The following CPA5 variants were observed in gnomAD, a reference collection of about 807,000 sequenced individuals.
The protein encoded by CPA5 is carboxypeptidase A5, also known as testicular tissue protein Li 32.
CPA5 carries 38 observed loss-of-function variants against 52.2 expected under a neutral mutation model. That is an observed-to-expected ratio of 0.73 (90% CI 0.56 to 0.95). The LOEUF (loss-of-function observed/expected upper bound fraction) is 0.95. CPA5 is among the 40% of genes least tolerant of loss of function. CPA5 has a pLI of 0.00. For missense variants in CPA5, 519 were observed against 566.7 expected (o/e 0.92, Z 0.86); for synonymous variants, 198 against 213.7 (o/e 0.93, Z 0.64).
intron 5 of CPA5, among the ~76,000 whole-genome samples, chr7:130,352,423 G>A (rs1168510824): frequency 6.6e-6 from 1 of 152,068 alleles, no homozygotes; most frequent in Admixed American, 6.5e-5. Context: ...GAGTGAGGGC[G>A]GTTGCTATGG....
chr7:130,346,667 G>A, intron 3 of CPA5, 66 bp downstream of exon 3: 1 of 1,376,346 alleles, frequency 7.3e-7, no homozygotes, highest in Non-Finnish European at 1.0e-6. Context: ...GTCCCAGCAG[G>A]AGGTGGCTGC....
At chr7:130,353,699 AG>A (rs1554404572) in intron 5 of CPA5, among the ~76,000 whole-genome samples, 2 of 152,098 alleles carry the variant, frequency 1.3e-5, no homozygotes, top group Admixed American at 6.5e-5. Context: ...ACCACCCCCG[AG>A]GGCCCATGCG....
chr7:130,362,254 T>C (rs1795830032), intron 7 of CPA5, among the ~76,000 whole-genome samples, 184 bp from the exon 8 acceptor site: 2 of 152,154 alleles, frequency 1.3e-5, no homozygotes, highest in South Asian at 4.2e-4. Flanking sequence ...CACCATATTT[T>C]CAAAGGCCCT....
chr7:130,350,056 G>T lies in CPA5; in HGVS notation c.280G>T (p.Ala94Ser). 1.9e-6 allele frequency: 3 copies of T among 1,614,082 alleles called. No individual in the cohort carries two copies. Among genetic ancestry groups the T allele is most frequent in the Non-Finnish European group, 2.5e-6 (3 of 1,179,976 alleles). The stretch of plus-strand genomic sequence containing the variant: ...TTTCTCTGAACTGAAAGACATCAAA[G>T]CTTATCTGGAGTCTCATGGACTTGC... ...VPFSELKDIKAYLESHGLAYS... is the reference protein window; with the variant it reads ...VPFSELKDIKSYLESHGLAYS... Residue 94 changes from alanine to serine, a missense_variant, in exon 5 of 13, where the codon GCT becomes TCT. Physicochemically the swap from Ala to Ser is moderately conservative, Grantham distance 99. Transcript: ENST00000474905.
downstream of CPA5, among the ~76,000 whole-genome samples, chr7:130,370,318 G>A (rs1271499326): frequency 1.4e-5 from 2 of 148,042 alleles, no homozygotes; most frequent in Non-Finnish European, 3.0e-5. Context: ...TTTGGCTGAA[G>A]TTTCCCACAG....
At chr7:130,351,649 C>CTGATGTGT (rs1250854372) in intron 5 of CPA5, among the ~76,000 whole-genome samples, 3 of 152,058 alleles carry the variant, frequency 2.0e-5, no homozygotes, top group Admixed American at 6.5e-5. Context: ...GGTGGGGTGG[C>CTGATGTGT]TGATGTGTTG....
intron 11 of CPA5, 150 bp from the exon 12 acceptor site, chr7:130,367,756 A>AAAT (rs1159503375): frequency 3.5e-6 from 3 of 856,166 alleles, no homozygotes; most frequent in Non-Finnish European, 5.7e-6. Flanking sequence ...TCAAAGCTGG[A>AAAT]AATGCTGTGC....
chr7:130,367,667 A>G, intron 11 of CPA5, 96 bp downstream of exon 11: 2 of 1,254,012 alleles, frequency 1.6e-6, no homozygotes, highest in Non-Finnish European at 2.3e-6. Context: ...GTTACTCTGA[A>G]TGCAGGGGTC....
the CPA5 span, among the ~76,000 whole-genome samples, chr7:130,374,157 G>T: frequency 6.6e-6 from 1 of 152,196 alleles, no homozygotes; most frequent in African/African-American, 2.4e-5. Flanking sequence ...GCAGCCCTGG[G>T]TTCTGCTGAT....
At chr7:130,362,700 A>ACGGAG (rs1795859354) in intron 8 of CPA5, among the ~76,000 whole-genome samples, 161 bp downstream of exon 8, 1 of 152,186 alleles carries the variant, frequency 6.6e-6, no homozygotes, top group Admixed American at 6.5e-5. Context: ...CTTTTGCAGC[A>ACGGAG]CGGAGCCCAC....
Position 130,367,560 on chromosome 7 carries a change from C to G in CPA5, c.1027C>G (p.Gln343Glu). 6.2e-7 allele frequency: 1 copy of G among 1,613,930 alleles called. No homozygotes were observed. The highest frequency in any genetic ancestry group is 8.5e-7 in the Non-Finnish European group (1 of 1,179,884). ...CCGATTGCTGGAGCCCGTTTCAAAT[C>G]AGAGGGAGTTGGTGAGACTGGCTGC... The part of the protein sequence containing the change: ...YGRLLEPVSN[Q>E]RELYDLAKDA... The change falls in exon 11 of 13, where the codon CAG becomes GAG. Residue 343 changes from glutamine to glutamate, a missense_variant. By Grantham distance (29) the Gln-to-Glu change is conservative (BLOSUM62 2). Transcript: ENST00000474905.
chr7:130,357,803 G>GTTT, intron 5 of CPA5, among the ~76,000 whole-genome samples: 1 of 152,264 alleles, frequency 6.6e-6, no homozygotes, highest in Non-Finnish European at 1.5e-5. Context: ...GGGTCCTTGA[G>GTTT]TTTTCATCAT....
rs544178404 is a variant in CPA5, at chr7:130,346,513, C to A, written c.28C>A (p.Arg10Ser). ...GCAGGGCACCCCTGGAGGCGGGACG[C>A]GCCCTGGGCCATCCCCCGTGGACAG... MQGTPGGGT[R>S]PGPSPVDRRT... Residue 10 changes from arginine to serine, a missense_variant, in exon 3 of 13, where the codon CGC (arginine) becomes AGC (serine). Coordinates refer to ENST00000474905, the MANE Select transcript of CPA5 (RefSeq NM_080385.5). The A allele has an allele frequency of 1.2e-6, 2 of 1,613,604 alleles. No homozygotes were observed. The highest frequency in any genetic ancestry group is 2.2e-5 in the East Asian group (1 of 44,882).
intron 8 of CPA5, 39 bp downstream of exon 8, chr7:130,362,578 G>C (rs369851905): frequency 4.5e-5 from 65 of 1,439,282 alleles, no homozygotes; most frequent in Non-Finnish European, 6.2e-5. Context: ...CCCACGATGG[G>C]GGCTGCAACT....
In CPA5 at chr7:130,367,681, G is replaced by A. The variant is rs566353106; in HGVS notation, c.1038+110G>A. 1.2e-5 allele frequency: 13 copies of A among 1,125,760 alleles called. No homozygotes were observed. The Admixed American group carries it at 2.0e-4, about 17-fold the overall frequency. The allele number at this position is 1,125,760 out of a possible 1,614,324, so 69.7% of individuals were successfully genotyped here. A position where few individuals can be genotyped will look rare whatever the true frequency, so the allele number is the denominator to read the frequency against. On this transcript the variant is annotated intron_variant, in intron 11 of 12. Transcript: ENST00000474905. ...TGTTACTCTGAATGCAGGGGTCTGG[G>A]CTGATTGACCCCATGGTGCGGGGGT...
chr7:130,348,678 G>A (rs1794929554), intron 4 of CPA5, among the ~76,000 whole-genome samples: 1 of 152,170 alleles, frequency 6.6e-6, no homozygotes, highest in African/African-American at 2.4e-5. Flanking sequence ...AAGTTGCAAT[G>A]AGTATGAGTG....
chr7:130,368,672 TCC>T lies in CPA5; in HGVS notation c.*78_*79del. 1 of 1,415,790 alleles carries T rather than the reference TCC, an allele frequency of 7.1e-7. No individual in the cohort carries two copies. The highest frequency in any genetic ancestry group is 9.9e-7 in the Non-Finnish European group (1 of 1,010,024). The allele number at this position is 1,415,790 out of a possible 1,614,324, so 87.7% of individuals were successfully genotyped here. The stretch of plus-strand genomic sequence containing the variant: ...CTCCTCCCGAAACCCAAGTTATGCA[TCC>T]CCATCCCCATGCCCTCATCCCGACC... On this transcript the variant is annotated 3_prime_UTR_variant, in exon 13 of 13. Transcript: ENST00000474905.
chr7:130,350,899 C>T (rs995843855), intron 5 of CPA5, among the ~76,000 whole-genome samples: 4 of 152,358 alleles, frequency 2.6e-5, no homozygotes, highest in South Asian at 2.1e-4. Flanking sequence ...TAAGCCTCCC[C>T]GGCTGCATCT....
At chr7:130,354,674 A>G (rs987016171) in intron 5 of CPA5, among the ~76,000 whole-genome samples, 1 of 151,932 alleles carries the variant, frequency 6.6e-6, no homozygotes, top group Non-Finnish European at 1.5e-5. Flanking sequence ...TCAGCCTCCC[A>G]AAGTGCAGGG....
Sources: gnomAD v4.1 joint callset for allele counts (sites outside exome capture counted in the v4.1 genomes callset) on GRCh38, gnomAD v4.1.1 for gene constraint, MANE v1.5 for transcripts, NCBI Gene and HGNC (gene_info 2026-07-23, HGNC 2026-07-21) for gene names.